Variants in SOX5 observed in about 807,000 individuals in gnomAD.
SOX5 encodes the protein SRY-box transcription factor 5.
In SOX5, 9 loss-of-function variants were observed where a neutral mutation model predicts 92.0. The ratio of observed to expected loss-of-function variants is 0.10; its 90% confidence interval spans 0.06 to 0.17. SOX5 has a LOEUF of 0.17. Ranked by LOEUF, SOX5 falls within the 10% of genes least tolerant of loss-of-function variation. SOX5 has a pLI of 1.00. For synonymous variants in SOX5, 344 were observed against 336.3 expected, an observed-to-expected ratio of 1.02 and a Z score of -0.25; for missense variants, 642 against 944.5, an observed-to-expected ratio of 0.68 and a Z score of 4.20.
chr12:24,346,930 T>A (rs975060111), intron 2 of SOX5, among the ~76,000 whole-genome samples: 1 of 152,018 alleles, frequency 6.6e-6, no homozygotes, highest in Non-Finnish European at 1.5e-5. Context: ...CTAATGTAAA[T>A]GACGAGTTAA....
intron 1 of SOX5, among the ~76,000 whole-genome samples, chr12:24,491,350 C>A (rs147703710): frequency 6.6e-6 from 1 of 152,086 alleles, no homozygotes; most frequent in Non-Finnish European, 1.5e-5. Flanking sequence ...CCTAGAGCAG[C>A]CTTTGCCAGG....
At chr12:24,412,403 A>G (rs908378484) in intron 1 of SOX5, among the ~76,000 whole-genome samples, 22 of 151,816 alleles carry the variant, frequency 1.4e-4, no homozygotes, top group African/African-American at 5.3e-4. Flanking sequence ...CTCTTTTCTA[A>G]TGTACCTGTG....
At chr12:24,111,718 A>G (rs1276458784) in intron 4 of SOX5, among the ~76,000 whole-genome samples, 1 of 152,186 alleles carries the variant, frequency 6.6e-6, no homozygotes, top group Non-Finnish European at 1.5e-5. Flanking sequence ...TGAAAAAAAT[A>G]CTACCATTAA....
At chr12:24,269,083 T>C (rs1328492187) in intron 3 of SOX5, among the ~76,000 whole-genome samples, 1 of 152,214 alleles carries the variant, frequency 6.6e-6, no homozygotes, top group African/African-American at 2.4e-5. Context: ...TCTTTAATTA[T>C]ATAGAACTCA....
intron 1 of SOX5, among the ~76,000 whole-genome samples, chr12:24,526,532 C>T (rs1385746944): frequency 1.3e-5 from 2 of 152,124 alleles, no homozygotes; most frequent in African/African-American, 2.4e-5. Flanking sequence ...TTTCTTGTTC[C>T]TTTCATTTTC....
chr12:24,130,381 A>T (rs1230034478), intron 4 of SOX5, among the ~76,000 whole-genome samples: 1 of 152,234 alleles, frequency 6.6e-6, no homozygotes, highest in Non-Finnish European at 1.5e-5. Context: ...AAGGCTCAAA[A>T]CAATCTGCTT....
chr12:24,165,440 G>A (rs1953287361), intron 4 of SOX5, among the ~76,000 whole-genome samples: 1 of 152,062 alleles, frequency 6.6e-6, no homozygotes, highest in Non-Finnish European at 1.5e-5. Flanking sequence ...GACTATTCTA[G>A]ATTATTTAGA....
chr12:24,389,418 T>C (rs1425439367), intron 1 of SOX5, among the ~76,000 whole-genome samples: 2 of 152,204 alleles, frequency 1.3e-5, no homozygotes, highest in African/African-American at 4.8e-5. Context: ...TATGTGTACC[T>C]CTTTTTTCAT....
At chr12:23,975,227 C>A (rs1265491028) in intron 4 of SOX5, among the ~76,000 whole-genome samples, 1 of 152,022 alleles carries the variant, frequency 6.6e-6, no homozygotes, top group Non-Finnish European at 1.5e-5. Flanking sequence ...AGTGAAAGAG[C>A]ACCACCTAAA....
intron 4 of SOX5, among the ~76,000 whole-genome samples, chr12:24,063,377 A>G (rs1285381121): frequency 6.6e-6 from 1 of 152,226 alleles, no homozygotes; most frequent in Admixed American, 6.5e-5. Flanking sequence ...TGATCAAAGA[A>G]TAAATACACT....
At chr12:24,348,137 A>C (rs1234598169) in intron 2 of SOX5, among the ~76,000 whole-genome samples, 2 of 151,764 alleles carry the variant, frequency 1.3e-5, no homozygotes, top group Non-Finnish European at 2.9e-5. Flanking sequence ...GCAATGAGAG[A>C]TATTTGAATC....
intron 4 of SOX5, among the ~76,000 whole-genome samples, chr12:24,090,701 T>C (rs1014846547): frequency 1.3e-5 from 2 of 152,192 alleles, no homozygotes; most frequent in Non-Finnish European, 2.9e-5. Context: ...ATACTATCAA[T>C]GTAAGATAGA....
At chr12:24,545,528 T>C (rs560097386) in intron 1 of SOX5, among the ~76,000 whole-genome samples, 3 of 152,290 alleles carry the variant, frequency 2.0e-5, no homozygotes, top group African/African-American at 7.2e-5. Flanking sequence ...TCGACAGATT[T>C]TCAAGTAATA....
At chr12:23,935,698 G>T (rs530299706) in intron 1 of SOX5, among the ~76,000 whole-genome samples, 1 of 151,038 alleles carries the variant, frequency 6.6e-6, no homozygotes, top group Non-Finnish European at 1.5e-5. Context: ...TCATTCAGAA[G>T]AAAATTAGAA....
intron 1 of SOX5, among the ~76,000 whole-genome samples, chr12:23,936,911 C>T (rs1595771690): frequency 1.3e-5 from 2 of 150,840 alleles, no homozygotes; most frequent in East Asian, 3.9e-4. Context: ...CACATTTTGG[C>T]TCAGATTAGT....
intron 4 of SOX5, among the ~76,000 whole-genome samples, chr12:24,187,050 A>C (rs1956083494): frequency 6.6e-6 from 1 of 152,178 alleles, no homozygotes; most frequent in African/African-American, 2.4e-5. Context: ...GCAAGTTTCC[A>C]AACTGATTTC....
intron 3 of SOX5, among the ~76,000 whole-genome samples, chr12:23,783,208 T>C (rs2095316209): frequency 6.6e-6 from 1 of 152,214 alleles, no homozygotes; most frequent in Non-Finnish European, 1.5e-5. Context: ...ACATTGTCTA[T>C]CTTGCTATTC....
At chr12:23,538,799 CTTTT>C (rs67268404) in intron 13 of SOX5, among the ~76,000 whole-genome samples, 3 of 108,138 alleles carry the variant, frequency 2.8e-5, no homozygotes, top group African/African-American at 3.3e-5. Flanking sequence ...CCAGCATTTT[CTTTT>C]TTTTTTTTTT....
chr12:23,937,548 T>C (rs1421792793), intron 1 of SOX5, among the ~76,000 whole-genome samples: 3 of 150,942 alleles, frequency 2.0e-5, no homozygotes, highest in East Asian at 1.9e-4. Flanking sequence ...ACATGCACCA[T>C]AGTATTCAGG....
Sources: allele counts gnomAD v4.1 joint callset (sites outside exome capture counted in the v4.1 genomes callset), GRCh38; gene constraint gnomAD v4.1.1; transcripts MANE v1.5; gene names NCBI Gene and HGNC (gene_info 2026-07-23, HGNC 2026-07-21).